Variants in ZBTB2 observed in about 807,000 individuals in gnomAD.
ZBTB2 encodes the protein zinc finger and BTB domain-containing protein 2.
Under a neutral mutation model 39.5 loss-of-function variants are expected in ZBTB2, and 2 were observed. The ratio of observed to expected loss-of-function variants is 0.05; its 90% CI spans 0.02 to 0.16. The LOEUF (loss-of-function observed/expected upper bound fraction) is 0.16. Ranked by LOEUF, ZBTB2 falls within the 10% of genes least tolerant of loss-of-function variation. The pLI is 1.00. For synonymous variants in ZBTB2, 251 were observed against 256.6 expected (o/e 0.98, Z 0.21); for missense variants, 391 against 653.0 (o/e 0.60, Z 4.37).
chr6:151,377,535 A>ATTTT (rs769474299), intron 1 of ZBTB2, among the ~76,000 whole-genome samples: 9 of 103,448 alleles, frequency 8.7e-5, no homozygotes, highest in Admixed American at 2.1e-4. Context: ...TGTCTGGCTA[A>ATTTT]TTTTTTTTTT....
chr6:151,375,637 A>G (rs569844288), intron 1 of ZBTB2, among the ~76,000 whole-genome samples: 60 of 152,134 alleles, frequency 3.9e-4, no homozygotes, highest in African/African-American at 1.4e-3. Context: ...GCTCACTGCA[A>G]CCTCCATCTC....
intron 2 of ZBTB2, among the ~76,000 whole-genome samples, chr6:151,369,954 G>C (rs1344732623): frequency 6.6e-6 from 1 of 152,124 alleles, no homozygotes; most frequent in Non-Finnish European, 1.5e-5. Flanking sequence ...ATTTTTCAAA[G>C]TTCCTTAATG....
Position 151,366,966 on chromosome 6 carries a change from T to C in ZBTB2, c.174-74A>G, listed in dbSNP as rs1387533916. 1.4e-6 allele frequency: 2 copies of C among 1,436,560 alleles called. No individual in the cohort carries two copies. Among genetic ancestry groups the C allele is most frequent in the Non-Finnish European group, 1.9e-6 (2 of 1,073,884 alleles). The allele number at this position is 1,436,560 out of a possible 1,614,324, so 89.0% of individuals were successfully genotyped here. A position where few individuals can be genotyped will look rare whatever the true frequency, so the allele number is the denominator to read the frequency against. On this transcript the variant is annotated intron_variant, in intron 2 of 2. Coordinates refer to ENST00000325144, the MANE Select transcript of ZBTB2 (RefSeq NM_020861.3). This position sits in a 1 kb window ranked among gnomAD's most constrained non-coding sequence, Gnocchi z 7.1. ...TTAACATAAAGCCTGAAGAAAAAAA[T>C]GAATGCTTAAAAACAAAGGAAACAA... is the stretch of plus-strand genomic sequence containing the variant.
chr6:151,390,350 C>CGTCCCTGTCCCCGCCCCCG (rs5880929), intron 1 of ZBTB2, among the ~76,000 whole-genome samples: 1 of 147,454 alleles, frequency 6.8e-6, no homozygotes, highest in African/African-American at 2.5e-5. Context: ...GCCCCGCCCC[C>CGTCCCTGTCCCCGCCCCCG]TCCCTGTCCC....
Position 151,364,555 on chromosome 6 carries a change from A to G in ZBTB2, c.*966T>C, listed in dbSNP as rs1390382047. 6.6e-6 allele frequency: 1 copy of G among 152,264 alleles called. No individual in the cohort carries two copies. Among genetic ancestry groups the G allele is most frequent in the African/African-American group, 2.4e-5 (1 of 41,474 alleles). The allele number at this position is 152,264 out of a possible 1,614,324, so 9.4% of individuals were successfully genotyped here. ...GCATTGACTTTCAGTCATTGAAGTTACTACATCTTCTGGTCACAAATTCCC... is the reference window on the plus strand; with the variant it reads ...GCATTGACTTTCAGTCATTGAAGTTGCTACATCTTCTGGTCACAAATTCCC... On this transcript the variant is annotated 3_prime_UTR_variant, in exon 3 of 3. Coordinates refer to ENST00000325144, the MANE Select transcript of ZBTB2 (RefSeq NM_020861.3).
At chr6:151,371,934 G>C (rs541672078) in intron 2 of ZBTB2, among the ~76,000 whole-genome samples, 1 of 152,170 alleles carries the variant, frequency 6.6e-6, no homozygotes, top group Non-Finnish European at 1.5e-5. Flanking sequence ...GAGGAACTTC[G>C]GAGAAGGCCT....
intron 1 of ZBTB2, among the ~76,000 whole-genome samples, chr6:151,377,668 T>C (rs548701719): frequency 2.5e-4 from 37 of 150,632 alleles, no homozygotes; most frequent in African/African-American, 7.8e-4. Flanking sequence ...GCCTCCCGAG[T>C]AGTTGGGACT....
At chr6:151,387,896 A>G (rs1042695378) in intron 1 of ZBTB2, among the ~76,000 whole-genome samples, 2 of 152,210 alleles carry the variant, frequency 1.3e-5, no homozygotes, top group African/African-American at 2.4e-5. Flanking sequence ...TACTGATTCC[A>G]TATCTTAATG....
In ZBTB2 at chr6:151,364,773, T is replaced by G. The variant is rs1778607835; in HGVS notation, c.*748A>C. 1 of 152,618 alleles carries G rather than the reference T, an allele frequency of 6.6e-6. No individual in the cohort carries two copies. Among genetic ancestry groups the G allele is most frequent in the Non-Finnish European group, 1.5e-5 (1 of 68,044 alleles). 9.5% of individuals were successfully genotyped at this position (152,618 alleles called of 1,614,324 possible). A position where few individuals can be genotyped will look rare whatever the true frequency, so the allele number is the denominator to read the frequency against. On this transcript the variant is annotated 3_prime_UTR_variant, in exon 3 of 3. Coordinates refer to ENST00000325144, the MANE Select transcript of ZBTB2 (RefSeq NM_020861.3). Reference sequence around the variant, plus strand: ...TTGTCAGAAACTCAAATACAGCATTTTGTTGTTGCTCAACTTGGAAAGAAG... The same window carrying G: ...TTGTCAGAAACTCAAATACAGCATTGTGTTGTTGCTCAACTTGGAAAGAAG...
chr6:151,379,467 C>A (rs1778984699), intron 1 of ZBTB2, among the ~76,000 whole-genome samples: 1 of 151,278 alleles, frequency 6.6e-6, no homozygotes, highest in African/African-American at 2.4e-5. Context: ...ATGGAGAGAC[C>A]CCCATCTCTA....
rs1358752309 is a variant in ZBTB2, at chr6:151,364,902, C to A, written c.*619G>T. On this transcript the variant is annotated 3_prime_UTR_variant, in exon 3 of 3. Coordinates refer to ENST00000325144, the MANE Select transcript of ZBTB2 (RefSeq NM_020861.3). ...AAACTCACAGCTTGTCATGTTGTAC[C>A]CAAAAATTAAGATTGCCATCACATT... 1 of 152,542 alleles carries A rather than the reference C, an allele frequency of 6.6e-6. No homozygotes were observed. 9.4% of individuals were successfully genotyped at this position (152,542 alleles called of 1,614,324 possible). A position where few individuals can be genotyped will look rare whatever the true frequency, so the allele number is the denominator to read the frequency against.
chr6:151,390,797 T>G (rs1214057069), intron 1 of ZBTB2, among the ~76,000 whole-genome samples: 1 of 129,964 alleles, frequency 7.7e-6, no homozygotes, highest in East Asian at 2.9e-4. Context: ...CAAACCCACT[T>G]CCGCAGCTCG....
chr6:151,377,261 T>C lies in ZBTB2; in HGVS notation c.-12-3612A>G, dbSNP rs527295111. ...TGTCAAAATCCCAGCTGTGATACTG[T>C]ACTATAGTTTGCAAGATGTTTCCAT... On this transcript the variant is annotated intron_variant, in intron 1 of 2. Coordinates refer to ENST00000325144, the MANE Select transcript of ZBTB2 (RefSeq NM_020861.3). Among the ~76,000 whole-genome samples the C allele has an allele frequency of 1.4e-4, 22 of 152,196 alleles. No individual in the cohort carries two copies. The South Asian group carries it at 4.1e-3, about 29-fold the overall frequency.
chr6:151,375,367 T>A (rs2114864794), intron 1 of ZBTB2, among the ~76,000 whole-genome samples: 1 of 152,048 alleles, frequency 6.6e-6, no homozygotes. Flanking sequence ...AAATAAAGGA[T>A]CTAAATAAAC....
chr6:151,367,483 GCCA>G (rs1414967817), intron 2 of ZBTB2, among the ~76,000 whole-genome samples: 1 of 152,116 alleles, frequency 6.6e-6, no homozygotes, highest in Non-Finnish European at 1.5e-5. Flanking sequence ...CTTATCAAAT[GCCA>G]CCATCAACAT....
At position 151,364,913 on chromosome 6, in the gene ZBTB2, G is replaced by T. The variant is rs1778610532; in HGVS notation, c.*608C>A. ...TTGTCATGTTGTACCCAAAAATTAA[G>T]ATTGCCATCACATTATTACTTTTTC... On this transcript the variant is annotated 3_prime_UTR_variant, in exon 3 of 3. Coordinates refer to ENST00000325144, the MANE Select transcript of ZBTB2 (RefSeq NM_020861.3). The T allele has an allele frequency of 1.3e-5, 2 of 152,662 alleles. No homozygotes were observed. Among genetic ancestry groups the T allele is most frequent in the South Asian group, 4.1e-4 (2 of 4,830 alleles). The allele number at this position is 152,662 out of a possible 1,614,324, so 9.5% of individuals were successfully genotyped here.
intron 1 of ZBTB2, among the ~76,000 whole-genome samples, chr6:151,375,408 G>A (rs1778886242): frequency 6.6e-6 from 1 of 152,154 alleles, no homozygotes; most frequent in South Asian, 2.1e-4. Context: ...TGGACAGGAA[G>A]ACTCAACATG....
In ZBTB2 at chr6:151,390,379, G is replaced by A. The variant is rs1018462857; in HGVS notation, c.-13+1041C>T. On this transcript the variant is annotated intron_variant, in intron 1 of 2. Coordinates refer to ENST00000325144, the MANE Select transcript of ZBTB2 (RefSeq NM_020861.3). ...CTGTCCCCGTCCCCGAGGGGCTGAG[G>A]GGGAGGGAGGGGCGACGCACTCCGG... is the stretch of plus-strand genomic sequence containing the variant. Among the ~76,000 whole-genome samples, 115 of 150,318 alleles carry A rather than the reference G, an allele frequency of 7.7e-4. 1 individual carries two copies. The highest frequency in any genetic ancestry group is 1.5e-3 in the South Asian group (7 of 4,800).
At chr6:151,367,414 C>T (rs1218443219) in intron 2 of ZBTB2, among the ~76,000 whole-genome samples, 1 of 152,154 alleles carries the variant, frequency 6.6e-6, no homozygotes, top group Non-Finnish European at 1.5e-5. Flanking sequence ...AGCCACCACG[C>T]CTGGCCAAGT....
Sources: allele counts gnomAD v4.1 joint callset (sites outside exome capture counted in the v4.1 genomes callset), GRCh38; gene constraint gnomAD v4.1.1; non-coding constraint Gnocchi (gnomAD v3.1); transcripts MANE v1.5; gene names NCBI Gene and HGNC (gene_info 2026-07-23, HGNC 2026-07-21).